Variants in CDH10 observed in about 807,000 individuals in gnomAD.
The protein encoded by CDH10 is cadherin-10.
CDH10 carries 30 observed loss-of-function variants against 73.1 expected under a neutral mutation model. That is an observed-to-expected ratio of 0.41 (90% CI 0.31 to 0.56). CDH10 has a LOEUF of 0.56. Ranked by LOEUF, CDH10 falls within the 20% of genes least tolerant of loss-of-function variation. The pLI is 0.27. For missense variants in CDH10, 815 were observed against 973.7 expected, an observed-to-expected ratio of 0.84 and a Z score of 2.17; for synonymous variants, 345 against 348.2, an observed-to-expected ratio of 0.99 and a Z score of 0.10.
intron 2 of CDH10, among the ~76,000 whole-genome samples, chr5:24,587,052 G>A (rs1373034618): frequency 4.0e-5 from 6 of 151,176 alleles, no homozygotes; most frequent in African/African-American, 1.5e-4. Context: ...CATCGTGTTA[G>A]CCAGAATGGT....
chr5:24,634,935 T>C (rs1285047401), intron 1 of CDH10, among the ~76,000 whole-genome samples: 1 of 151,588 alleles, frequency 6.6e-6, no homozygotes. Context: ...TATGTTTTCA[T>C]GTGTTTATGT....
intron 1 of CDH10, among the ~76,000 whole-genome samples, chr5:24,617,296 T>C (rs1178088759): frequency 1.3e-5 from 2 of 152,044 alleles, no homozygotes; most frequent in Admixed American, 6.6e-5. Context: ...AAATACTATC[T>C]GGAGGGAAGG....
intron 1 of CDH10, among the ~76,000 whole-genome samples, chr5:24,616,994 A>G (rs1232941250): frequency 1.3e-5 from 2 of 152,212 alleles, no homozygotes; most frequent in Non-Finnish European, 2.9e-5. Context: ...TTTTGAAAAC[A>G]CATATTCCTT....
intron 2 of CDH10, among the ~76,000 whole-genome samples, chr5:24,553,238 C>G (rs1744617375): frequency 6.8e-6 from 1 of 146,142 alleles, no homozygotes. Context: ...TGTAGAGAAG[C>G]TTTTGTTTGT....
In CDH10 at chr5:24,512,289, GC is replaced by G. The variant is rs574832081; in HGVS notation, c.815-776del. On this transcript the variant is annotated intron_variant, in intron 5 of 11. Transcript: ENST00000264463. Reference sequence around the variant, plus strand: ...GGGATAGTTGGGATTAGAGACGCAAGCCACGCACCAACCAAGCGTGTATTTT... The same window carrying G: ...GGGATAGTTGGGATTAGAGACGCAAGCACGCACCAACCAAGCGTGTATTTT... Among the ~76,000 whole-genome samples the G allele has an allele frequency of 1.6e-3, 250 of 152,072 alleles. 1 individual carries two copies. Among genetic ancestry groups the G allele is most frequent in the African/African-American group, 5.6e-3 (232 of 41,382 alleles).
At position 24,511,237 on chromosome 5, in the gene CDH10, T is replaced by A; in HGVS notation, c.1002+90A>T. 9 of 789,664 alleles carry A rather than the reference T, an allele frequency of 1.1e-5. No homozygotes were observed. The South Asian group carries it at 1.6e-4, about 14-fold the overall frequency. 48.9% of individuals were successfully genotyped at this position (789,664 alleles called of 1,614,324 possible). ...CATTGCTGGAAAATTAGAGTAGTAT[T>A]TCCCAATGGATCATTCATGAGCGAA... is the stretch of plus-strand genomic sequence containing the variant. On this transcript the variant is annotated intron_variant, in intron 6 of 11. Transcript: ENST00000264463.
At chr5:24,493,250 G>A (rs958208403) in intron 9 of CDH10, among the ~76,000 whole-genome samples, 5 of 151,636 alleles carry the variant, frequency 3.3e-5, no homozygotes, top group East Asian at 3.9e-4. Flanking sequence ...AGAGTTTTTC[G>A]AATGTCAGAA....
At chr5:24,597,741 T>G (rs1294555422) in intron 1 of CDH10, among the ~76,000 whole-genome samples, 1 of 152,034 alleles carries the variant, frequency 6.6e-6, no homozygotes, top group Non-Finnish European at 1.5e-5. Flanking sequence ...ACCTGTTAAT[T>G]TTATTATATA....
intron 2 of CDH10, among the ~76,000 whole-genome samples, chr5:24,548,274 C>G (rs912611690): frequency 6.6e-6 from 1 of 151,926 alleles, no homozygotes; most frequent in African/African-American, 2.4e-5. Flanking sequence ...ATTACAGGCA[C>G]CTGCCACCAT....
intron 9 of CDH10, among the ~76,000 whole-genome samples, chr5:24,493,704 T>C (rs1031889265): frequency 6.6e-6 from 1 of 151,898 alleles, no homozygotes; most frequent in African/African-American, 2.4e-5. Context: ...ATAATACAAT[T>C]TGTATATTTT....
chr5:24,493,335 G>A (rs1213457933), intron 9 of CDH10, among the ~76,000 whole-genome samples: 1 of 151,876 alleles, frequency 6.6e-6, no homozygotes, highest in Non-Finnish European at 1.5e-5. Context: ...GGAATGTAGA[G>A]ATTTTATAGG....
At chr5:24,572,325 AAC>A (rs1378248565) in intron 2 of CDH10, among the ~76,000 whole-genome samples, 1 of 152,120 alleles carries the variant, frequency 6.6e-6, no homozygotes, top group African/African-American at 2.4e-5. Context: ...TCCTTTTTAA[AAC>A]AGACTAAAGG....
intron 10 of CDH10, among the ~76,000 whole-genome samples, chr5:24,492,328 T>C (rs1742087635): frequency 6.6e-6 from 1 of 152,224 alleles, no homozygotes; most frequent in Admixed American, 6.5e-5. Flanking sequence ...AAGAAGGTTT[T>C]TTAACCTTCA....
chr5:24,598,623 A>G (rs6452217), intron 1 of CDH10, among the ~76,000 whole-genome samples: 131,642 of 151,842 alleles, frequency 0.87, 57,891 homozygotes, highest in East Asian at 1. Flanking sequence ...ATTAACCAAA[A>G]AGGCAATCAA....
At chr5:24,561,999 AG>A (rs994498864) in intron 2 of CDH10, among the ~76,000 whole-genome samples, 4 of 93,362 alleles carry the variant, frequency 4.3e-5, no homozygotes, top group African/African-American at 1.2e-4. Flanking sequence ...CTTTCTTGGT[AG>A]GCCCAATAAA....
At chr5:24,612,462 CTG>C (rs1439250183) in intron 1 of CDH10, 1 of 152,160 alleles carries the variant, frequency 6.6e-6, no homozygotes, top group Non-Finnish European at 1.5e-5. Flanking sequence ...ATATTTACGA[CTG>C]TGAATATAGA....
At chr5:24,539,197 C>T (rs1055278296) in intron 2 of CDH10, among the ~76,000 whole-genome samples, 1 of 151,874 alleles carries the variant, frequency 6.6e-6, no homozygotes, top group Non-Finnish European at 1.5e-5. Flanking sequence ...TGAAAAAATA[C>T]ATAGAGTTAC....
intron 1 of CDH10, among the ~76,000 whole-genome samples, chr5:24,602,184 C>G (rs1746587926): frequency 6.6e-6 from 1 of 152,090 alleles, no homozygotes; most frequent in Non-Finnish European, 1.5e-5. Flanking sequence ...TTATTAAAGG[C>G]AGTGAAATTT....
At chr5:24,592,104 T>C (rs375413791) in intron 2 of CDH10, among the ~76,000 whole-genome samples, 2 of 151,992 alleles carry the variant, frequency 1.3e-5, no homozygotes, top group East Asian at 3.9e-4. Context: ...TTCTTTCTAG[T>C]CAACATGATA....
Sources: gnomAD v4.1 joint callset for allele counts (sites outside exome capture counted in the v4.1 genomes callset) on GRCh38, gnomAD v4.1.1 for gene constraint, MANE v1.5 for transcripts, NCBI Gene and HGNC (gene_info 2026-07-23, HGNC 2026-07-21) for gene names.